Variants in SNX9 observed in about 807,000 individuals in gnomAD.
The protein encoded by SNX9 is sorting nexin 9, also known as sorting nexin-9.
In SNX9, 44 loss-of-function variants were observed where a neutral mutation model predicts 89.4. That is an observed-to-expected ratio of 0.49 (90% CI 0.39 to 0.63). SNX9 has a LOEUF of 0.63. Ranked by LOEUF, SNX9 falls within the 30% of genes least tolerant of loss-of-function variation. The probability of loss-of-function intolerance (pLI) is 0.00; values close to 1 mark genes in which losing one functional copy is unlikely to be tolerated. For missense variants in SNX9, 578 were observed against 736.1 expected (o/e 0.79, Z 2.49); for synonymous variants, 236 against 247.8 (o/e 0.95, Z 0.45).
intron 2 of SNX9, among the ~76,000 whole-genome samples, chr6:157,868,155 C>A (rs931841139): frequency 1.2e-4 from 19 of 152,278 alleles, no homozygotes; most frequent in Non-Finnish European, 2.4e-4. Context: ...TAGACCAGCT[C>A]CAGTGGAGTT....
intron 4 of SNX9, among the ~76,000 whole-genome samples, chr6:157,883,997 A>G (rs574437475): frequency 6.6e-6 from 1 of 152,286 alleles, no homozygotes; most frequent in East Asian, 1.9e-4. Flanking sequence ...TAAATACATC[A>G]AAAGGTACTT....
At chr6:157,898,356 G>A (rs1159476847) in intron 5 of SNX9, among the ~76,000 whole-genome samples, 1 of 152,226 alleles carries the variant, frequency 6.6e-6, no homozygotes, top group East Asian at 1.9e-4. Flanking sequence ...GGCTGCAGAA[G>A]GCTGAGGGCC....
At chr6:157,886,306 T>A (rs1205718389) in intron 4 of SNX9, among the ~76,000 whole-genome samples, 3 of 152,084 alleles carry the variant, frequency 2.0e-5, no homozygotes, top group African/African-American at 4.8e-5. Context: ...AAAAAAAAAA[T>A]AACAAAACCA....
At chr6:157,853,446 G>A (rs1407646076) in intron 1 of SNX9, among the ~76,000 whole-genome samples, 1 of 151,950 alleles carries the variant, frequency 6.6e-6, no homozygotes, top group Non-Finnish European at 1.5e-5. Context: ...TTTTTTTCCT[G>A]TGGAATTTAT....
At chr6:157,831,827 CT>C (rs1265011351) in intron 1 of SNX9, among the ~76,000 whole-genome samples, 1 of 152,216 alleles carries the variant, frequency 6.6e-6, no homozygotes, top group Non-Finnish European at 1.5e-5. Context: ...CAGGTATTAG[CT>C]TGCTCTAGTT....
At chr6:157,910,057 C>A (rs201418103) in intron 9 of SNX9, 32 bp downstream of exon 9, 2 of 1,522,408 alleles carry the variant, frequency 1.3e-6, no homozygotes, top group Non-Finnish European at 9.1e-7. Context: ...CCCAGGATGA[C>A]AAATAGAAAG....
chr6:157,875,259 C>A, intron 4 of SNX9, 83 bp downstream of exon 4: 2 of 1,467,796 alleles, frequency 1.4e-6, no homozygotes. Flanking sequence ...TGCATTATAG[C>A]TATTGCCATT....
chr6:157,902,542 C>T (rs929974064), intron 6 of SNX9, among the ~76,000 whole-genome samples: 6 of 152,142 alleles, frequency 3.9e-5, no homozygotes, highest in Admixed American at 2.0e-4. Flanking sequence ...TCGAGTGTTC[C>T]AGTCAGGAAG....
At chr6:157,927,717 G>GC (rs1783723127) in intron 11 of SNX9, among the ~76,000 whole-genome samples, 1 of 121,438 alleles carries the variant, frequency 8.2e-6, no homozygotes, top group Non-Finnish European at 1.7e-5. Context: ...TTAATTTTAA[G>GC]CTTTTTTTTT....
intron 6 of SNX9, among the ~76,000 whole-genome samples, chr6:157,903,190 C>T (rs184442193): frequency 6.6e-6 from 1 of 152,148 alleles, no homozygotes. Context: ...ATTACTAATA[C>T]TTTTTCCCAA....
At chr6:157,910,080 T>C in intron 9 of SNX9, 55 bp downstream of exon 9, 2 of 1,379,230 alleles carry the variant, frequency 1.5e-6, no homozygotes, top group Non-Finnish European at 2.1e-6. Flanking sequence ...TCCAGTCAGA[T>C]TATCTTCCTG....
intron 4 of SNX9, among the ~76,000 whole-genome samples, chr6:157,895,391 G>A (rs895534094): frequency 6.6e-6 from 1 of 152,150 alleles, no homozygotes; most frequent in Non-Finnish European, 1.5e-5. Context: ...TTAAAAAGTT[G>A]CTCTATTCCC....
At chr6:157,906,568 G>A (rs1420420921) in intron 7 of SNX9, among the ~76,000 whole-genome samples, 1 of 152,112 alleles carries the variant, frequency 6.6e-6, no homozygotes, top group African/African-American at 2.4e-5. Context: ...CCCTTGTAAA[G>A]TACATGTATG....
At chr6:157,877,168 G>A (rs886945949) in intron 4 of SNX9, among the ~76,000 whole-genome samples, 1 of 151,772 alleles carries the variant, frequency 6.6e-6, no homozygotes, top group Non-Finnish European at 1.5e-5. Flanking sequence ...TTTAAGTCAT[G>A]TTCTGTTAGG....
chr6:157,828,724 C>T (rs887098011), intron 1 of SNX9, among the ~76,000 whole-genome samples: 12 of 152,140 alleles, frequency 7.9e-5, no homozygotes, highest in Non-Finnish European at 1.8e-4. Context: ...ATCCTTCCTC[C>T]TCAGCCCCGC....
chr6:157,936,391 C>A (rs1783925946), intron 14 of SNX9, among the ~76,000 whole-genome samples: 1 of 152,102 alleles, frequency 6.6e-6, no homozygotes. Flanking sequence ...CACCTGTAGT[C>A]CCAGCTACTC....
At chr6:157,849,005 G>A (rs1781857299) in intron 1 of SNX9, among the ~76,000 whole-genome samples, 1 of 152,186 alleles carries the variant, frequency 6.6e-6, no homozygotes, top group Non-Finnish European at 1.5e-5. Flanking sequence ...CCAGTACTTT[G>A]AGAGACCGCA....
At position 157,844,600 on chromosome 6, in the gene SNX9, G is replaced by GTTTTTTTTTTTTTTTTTT. The variant is rs34836632; in HGVS notation, c.12+21165_12+21166insTTTTTTTTTTTTTTTTTT. On this transcript the variant is annotated intron_variant, in intron 1 of 17. Transcript: ENST00000392185. The stretch of plus-strand genomic sequence containing the variant: ...TGGCTAATCCTTGTTTTTTTTTTTT[G>GTTTTTTTTTTTTTTTTTT]TTTTTTTTTTTGAGACAGAGTCTCA... Among the ~76,000 whole-genome samples, 4 of 131,828 alleles carry GTTTTTTTTTTTTTTTTTT rather than the reference G, an allele frequency of 3.0e-5. No individual in the cohort carries two copies. In the East Asian group the frequency reaches 9.1e-4, roughly 30 times the overall value. The allele number at this position is 131,828 out of a possible 152,430, so 86.5% of individuals were successfully genotyped here.
intron 1 of SNX9, among the ~76,000 whole-genome samples, chr6:157,841,015 T>C (rs992291888): frequency 4.6e-5 from 7 of 152,180 alleles, no homozygotes; most frequent in Admixed American, 6.5e-5. Flanking sequence ...TCTCTTCCGA[T>C]GAGGGTCACT....
Sources: allele counts gnomAD v4.1 joint callset (sites outside exome capture counted in the v4.1 genomes callset), GRCh38; gene constraint gnomAD v4.1.1; transcripts MANE v1.5; gene names NCBI Gene and HGNC (gene_info 2026-07-23, HGNC 2026-07-21).